Variants in SHTN1 observed in about 807,000 individuals in gnomAD.
SHTN1 encodes the protein shootin 1.
A neutral mutation model predicts 83.1 loss-of-function variants in SHTN1; 42 were observed. That is an observed-to-expected ratio of 0.51 (90% CI 0.39 to 0.65). The LOEUF (loss-of-function observed/expected upper bound fraction) is 0.65, where lower values mean the gene tolerates loss of function less well. Ranked by LOEUF, SHTN1 falls within the 30% of genes least tolerant of loss-of-function variation. The pLI, the probability that SHTN1 is intolerant of heterozygous loss-of-function variation, is 0.00. For missense variants in SHTN1, 622 were observed against 737.8 expected (o/e 0.84, Z 1.82); for synonymous variants, 224 against 247.7 (o/e 0.90, Z 0.90).
chr10:117,063,606 T>C (rs966323736), intron 1 of SHTN1, among the ~76,000 whole-genome samples: 2 of 152,194 alleles, frequency 1.3e-5, no homozygotes, highest in Non-Finnish European at 2.9e-5. Flanking sequence ...TATAGCTTCC[T>C]ATTGCTCTTG....
chr10:116,996,124 G>A (rs932030139), intron 1 of SHTN1, among the ~76,000 whole-genome samples: 3 of 152,094 alleles, frequency 2.0e-5, no homozygotes, highest in Admixed American at 1.3e-4. Context: ...AAATAAACTG[G>A]TCTTACTGAT....
At chr10:117,019,351 T>A (rs1852228583) in intron 2 of SHTN1, among the ~76,000 whole-genome samples, 1 of 151,890 alleles carries the variant, frequency 6.6e-6, no homozygotes, top group South Asian at 2.1e-4. Context: ...ACTTAGCTAA[T>A]TTTTAAAAGT....
chr10:116,957,335 CCT>C (rs1285188104), intron 4 of SHTN1, among the ~76,000 whole-genome samples: 1 of 149,578 alleles, frequency 6.7e-6, no homozygotes, highest in Non-Finnish European at 1.5e-5. Context: ...CTCACTGCAA[CCT>C]CTGACTCCCT....
intron 8 of SHTN1, among the ~76,000 whole-genome samples, chr10:116,944,458 C>A (rs1849499993): frequency 6.6e-6 from 1 of 152,102 alleles, no homozygotes; most frequent in South Asian, 2.1e-4. Context: ...AAATTTGAGC[C>A]CAGATCTTTT....
chr10:116,900,973 C>G, intron 16 of SHTN1: 1 of 985,418 alleles, frequency 1.0e-6, no homozygotes, highest in Non-Finnish European at 1.2e-6. Context: ...ACCTTTTAAG[C>G]TAAGACAGCT....
At chr10:116,951,605 T>C (rs984313435) in intron 6 of SHTN1, among the ~76,000 whole-genome samples, 2 of 152,216 alleles carry the variant, frequency 1.3e-5, no homozygotes, top group Non-Finnish European at 2.9e-5. Flanking sequence ...ATAAAATATA[T>C]GACTTGAAAT....
At chr10:116,928,513 T>C (rs1046669211) in intron 10 of SHTN1, among the ~76,000 whole-genome samples, 1 of 152,212 alleles carries the variant, frequency 6.6e-6, no homozygotes, top group Non-Finnish European at 1.5e-5. Context: ...CTATGAATGG[T>C]GCTACAGGAG....
intron 1 of SHTN1, among the ~76,000 whole-genome samples, chr10:116,995,414 T>C (rs1440621346): frequency 1.3e-5 from 2 of 152,186 alleles, no homozygotes; most frequent in Non-Finnish European, 2.9e-5. Context: ...ACTGTGATTT[T>C]TAGGACTTTA....
At chr10:117,110,940 T>C (rs1327982531) in intron 1 of SHTN1, among the ~76,000 whole-genome samples, 16 of 152,158 alleles carry the variant, frequency 1.1e-4, no homozygotes, top group Admixed American at 1.0e-3. Flanking sequence ...CTCATGCCTG[T>C]AATCCCAGCA....
intron 1 of SHTN1, among the ~76,000 whole-genome samples, chr10:117,115,910 G>C (rs926460004): frequency 6.6e-6 from 1 of 152,142 alleles, no homozygotes; most frequent in African/African-American, 2.4e-5. Flanking sequence ...GTTTGCTTGA[G>C]ACTGTCTCTG....
At chr10:116,902,264 C>T (rs1431535958) in intron 15 of SHTN1, among the ~76,000 whole-genome samples, 1 of 152,106 alleles carries the variant, frequency 6.6e-6, no homozygotes, top group Non-Finnish European at 1.5e-5. Context: ...GTCTTTTCCT[C>T]TCATAGAGTA....
At chr10:116,986,716 CTTTTTTTT>C (rs869306412) in intron 1 of SHTN1, among the ~76,000 whole-genome samples, 3 of 75,870 alleles carry the variant, frequency 4.0e-5, no homozygotes, top group Non-Finnish European at 2.5e-5. Context: ...ACCCAGTATC[CTTTTTTTT>C]TTTTTTTTTT....
At chr10:117,014,620 T>C (rs1429774299) in intron 2 of SHTN1, among the ~76,000 whole-genome samples, 1 of 152,176 alleles carries the variant, frequency 6.6e-6, no homozygotes, top group Non-Finnish European at 1.5e-5. Flanking sequence ...GAGGCAGGTT[T>C]CTCACCATAA....
chr10:117,006,259 G>GTT (rs921301510), upstream of SHTN1, among the ~76,000 whole-genome samples: 19 of 140,440 alleles, frequency 1.4e-4, no homozygotes, highest in African/African-American at 4.5e-4. Context: ...TTGTTTTTTT[G>GTT]TTTTTAATAA....
intron 11 of SHTN1, among the ~76,000 whole-genome samples, chr10:116,923,976 A>G (rs1471191100): frequency 6.6e-6 from 1 of 152,182 alleles, no homozygotes; most frequent in Non-Finnish European, 1.5e-5. Context: ...ATAATCTCCC[A>G]TAAAGCATAG....
chr10:116,898,243 G>A (rs952001626), intron 16 of SHTN1, among the ~76,000 whole-genome samples: 20 of 151,948 alleles, frequency 1.3e-4, no homozygotes, highest in African/African-American at 4.6e-4. Flanking sequence ...CAAGAGAATC[G>A]CTTGAACTTG....
At chr10:117,011,126 T>C (rs934317254) in intron 2 of SHTN1, among the ~76,000 whole-genome samples, 1 of 152,206 alleles carries the variant, frequency 6.6e-6, no homozygotes, top group Non-Finnish European at 1.5e-5. Context: ...TAAAGCTATC[T>C]CTATTCACAT....
chr10:116,898,742 AAAAC>A (rs561646418), intron 16 of SHTN1, among the ~76,000 whole-genome samples: 1,700 of 152,196 alleles, frequency 0.011, 20 homozygotes, highest in African/African-American at 0.032. Flanking sequence ...TTTTTTCTTA[AAAAC>A]AAACAAACAA....
At chr10:116,904,929 C>T (rs112214599) in intron 15 of SHTN1, among the ~76,000 whole-genome samples, 8,750 of 151,960 alleles carry the variant, frequency 0.058, 823 homozygotes, top group African/African-American at 0.19. Context: ...TGGCCGGGCG[C>T]GGTGGCTCAC....
Sources: allele counts gnomAD v4.1 joint callset (sites outside exome capture counted in the v4.1 genomes callset), GRCh38; gene constraint gnomAD v4.1.1; transcripts MANE v1.5; gene names NCBI Gene and HGNC (gene_info 2026-07-23, HGNC 2026-07-21).